The following GULP1 variants were observed in gnomAD, a reference collection of about 807,000 sequenced individuals.
GULP1 encodes GULP PTB domain containing engulfment adaptor 1.
Under a neutral mutation model 40.9 loss-of-function variants are expected in GULP1, and 19 were observed. The ratio of observed to expected loss-of-function variants is 0.46; its 90% CI spans 0.32 to 0.68. The LOEUF is 0.68. Among genes scored for constraint, GULP1 ranks in the 30% least tolerant of loss-of-function variants. The probability of loss-of-function intolerance (pLI) is 0.03; values close to 1 mark genes in which losing one functional copy is unlikely to be tolerated. For synonymous variants in GULP1, 119 were observed against 117.6 expected (o/e 1.01, Z -0.08); for missense variants, 312 against 362.2 (o/e 0.86, Z 1.12).
chr2:188,470,312 T>A (rs1368648118), intron 2 of GULP1, among the ~76,000 whole-genome samples: 2 of 152,158 alleles, frequency 1.3e-5, no homozygotes, highest in Non-Finnish European at 2.9e-5. Flanking sequence ...AATTTGTCCA[T>A]TTATTCTAGA....
At chr2:188,569,522 A>G (rs1576183478) in intron 8 of GULP1, 167 bp downstream of exon 8, 1 of 586,216 alleles carries the variant, frequency 1.7e-6, no homozygotes, top group East Asian at 3.1e-5. Context: ...TCCCCTGCAC[A>G]GTTTTTTTTT....
chr2:188,392,856 A>AG (rs1323930098), intron 2 of GULP1, among the ~76,000 whole-genome samples: 1 of 152,116 alleles, frequency 6.6e-6, no homozygotes, highest in African/African-American at 2.4e-5. Flanking sequence ...AAAATCATTC[A>AG]GGAGCAGATT....
rs2153038299 is a variant in GULP1, at chr2:188,477,766, G to A, written c.28+36G>A. 5.3e-6 allele frequency: 8 copies of A among 1,513,370 alleles called. 1 individual carries two copies. In the East Asian group the frequency reaches 1.9e-4, roughly 35 times the overall value. 93.7% of individuals were successfully genotyped at this position (1,513,370 alleles called of 1,614,324 possible). On this transcript the variant is annotated intron_variant, in intron 3 of 11. Coordinates refer to ENST00000409830, the MANE Select transcript of GULP1 (RefSeq NM_016315.4). Reference sequence around the variant, plus strand: ...TCATTTTTTAAAACTTGGGAGTCAAGCCAATGTTGCTATGAACATAAGCAG... The same window carrying A: ...TCATTTTTTAAAACTTGGGAGTCAAACCAATGTTGCTATGAACATAAGCAG...
At chr2:188,319,025 T>C (rs2039563109) in intron 1 of GULP1, among the ~76,000 whole-genome samples, 2 of 152,032 alleles carry the variant, frequency 1.3e-5, no homozygotes, top group Admixed American at 6.6e-5. Flanking sequence ...ATTTGTTTTC[T>C]AAACATTTTT....
intron 2 of GULP1, among the ~76,000 whole-genome samples, chr2:188,414,216 C>CAAAAAAAAA (rs774779119): frequency 1.3e-4 from 6 of 44,614 alleles, no homozygotes; most frequent in African/African-American, 1.8e-4. Flanking sequence ...GACTCCATCT[C>CAAAAAAAAA]AAAAAAAAAA....
chr2:188,441,065 C>T (rs1202875302), intron 2 of GULP1, among the ~76,000 whole-genome samples: 2 of 77,274 alleles, frequency 2.6e-5, no homozygotes, highest in African/African-American at 1.0e-4. Flanking sequence ...TAAGCTCTGC[C>T]GGGCCAGGTA....
intron 11 of GULP1, chr2:188,592,329 CAGA>C (rs1703729246): frequency 1.3e-5 from 2 of 151,650 alleles, no homozygotes; most frequent in Admixed American, 1.3e-4. Context: ...TGTAATATAC[CAGA>C]AGATGACATA....
intron 4 of GULP1, among the ~76,000 whole-genome samples, chr2:188,509,888 G>A (rs1225554831): frequency 6.6e-6 from 1 of 152,072 alleles, no homozygotes; most frequent in Non-Finnish European, 1.5e-5. Context: ...GTGGCAGCAG[G>A]TCAGAGGTTT....
At chr2:188,411,201 A>C (rs934120942) in intron 2 of GULP1, among the ~76,000 whole-genome samples, 1 of 152,164 alleles carries the variant, frequency 6.6e-6, no homozygotes, top group African/African-American at 2.4e-5. Flanking sequence ...ACTGACAAGC[A>C]AAATATCTGT....
At chr2:188,483,718 T>C (rs184657285) in intron 4 of GULP1, among the ~76,000 whole-genome samples, 133 of 152,244 alleles carry the variant, frequency 8.7e-4, no homozygotes, top group African/African-American at 3.1e-3. Context: ...AAACGTGTTT[T>C]CTTCAAGTGA....
At chr2:188,300,897 TGTC>T in intron 1 of GULP1, among the ~76,000 whole-genome samples, 1 of 152,210 alleles carries the variant, frequency 6.6e-6, no homozygotes, top group Non-Finnish European at 1.5e-5. Context: ...AAGAAATAAC[TGTC>T]TTTCAGTCTC....
In GULP1 at chr2:188,522,000, C is replaced by T. The variant is rs556112354; in HGVS notation, c.91-756C>T. ...CTGAGGCAGGAGAATGGCGTGAACC[C>T]GGGAGGCAGAGCTTGCAGTGAGCCG... On this transcript the variant is annotated intron_variant, in intron 4 of 11. Transcript: ENST00000409830. 5.3e-5 allele frequency among the ~76,000 whole-genome samples: 8 copies of T among 152,144 alleles called. No individual in the cohort carries two copies. In the East Asian group the frequency reaches 5.8e-4, roughly 11 times the overall value.
At chr2:188,368,772 A>T (rs1002285712) in intron 1 of GULP1, among the ~76,000 whole-genome samples, 7 of 151,534 alleles carry the variant, frequency 4.6e-5, no homozygotes, top group African/African-American at 1.7e-4. Flanking sequence ...TAGAACAGTT[A>T]TGTATAAATG....
chr2:188,537,294 C>A (rs181082092), intron 6 of GULP1, among the ~76,000 whole-genome samples: 2 of 151,808 alleles, frequency 1.3e-5, no homozygotes, highest in Non-Finnish European at 2.9e-5. Flanking sequence ...CAGCTTTTGC[C>A]GGTTCAGTAT....
intron 6 of GULP1, among the ~76,000 whole-genome samples, chr2:188,537,828 G>A (rs1689333857): frequency 6.6e-6 from 1 of 151,994 alleles, no homozygotes; most frequent in African/African-American, 2.4e-5. Context: ...GCTTTGTTTG[G>A]TTGGTAGATT....
At chr2:188,580,636 T>C (rs1701122146) in intron 9 of GULP1, among the ~76,000 whole-genome samples, 1 of 152,250 alleles carries the variant, frequency 6.6e-6, no homozygotes, top group East Asian at 1.9e-4. Context: ...ATTAATTATA[T>C]AACTCAGACT....
chr2:188,541,336 TGTA>T lies in GULP1; in HGVS notation c.399+20_399+22del. Reference sequence around the variant, plus strand: ...AAAAGTGTGTAAGTATCCCAGATGTTGTAGGGTGGTTTGTTCTGTTTTATAAGC... The same window carrying T: ...AAAAGTGTGTAAGTATCCCAGATGTTGGGTGGTTTGTTCTGTTTTATAAGC... On this transcript the variant is annotated intron_variant, in intron 7 of 11. Transcript: ENST00000409830. The T allele has an allele frequency of 6.2e-7, 1 of 1,609,096 alleles. No homozygotes were observed. Among genetic ancestry groups the T allele is most frequent in the Non-Finnish European group, 8.5e-7 (1 of 1,175,478 alleles).
At chr2:188,384,891 C>G (rs562979080) in intron 2 of GULP1, among the ~76,000 whole-genome samples, 26 of 152,292 alleles carry the variant, frequency 1.7e-4, no homozygotes, top group African/African-American at 6.3e-4. Flanking sequence ...AGGTGAGTTC[C>G]CATGGTCTTG....
chr2:188,511,845 A>C (rs1157794965), intron 4 of GULP1, among the ~76,000 whole-genome samples: 1 of 152,204 alleles, frequency 6.6e-6, no homozygotes, highest in Non-Finnish European at 1.5e-5. Flanking sequence ...AAAATTTTCT[A>C]TCAAAACTTC....
Sources: allele counts gnomAD v4.1 joint callset (sites outside exome capture counted in the v4.1 genomes callset), GRCh38; gene constraint gnomAD v4.1.1; transcripts MANE v1.5; gene names NCBI Gene and HGNC (gene_info 2026-07-23, HGNC 2026-07-21).